Variants in FBP1 observed in about 807,000 individuals in gnomAD.
FBP1 encodes fructose-1,6-bisphosphatase 1.
Under a neutral mutation model 29.9 loss-of-function variants are expected in FBP1, and 22 were observed. The observed-to-expected ratio is 0.74, with a 90% CI of 0.53 to 1.05. The LOEUF (loss-of-function observed/expected upper bound fraction) is 1.05, where lower values mean the gene tolerates loss of function less well. FBP1 is among the 50% of genes least tolerant of loss of function. The probability of loss-of-function intolerance (pLI) is 0.00; values close to 1 mark genes in which losing one functional copy is unlikely to be tolerated. For missense variants in FBP1, 345 were observed against 448.2 expected (o/e 0.77, Z 2.08); for synonymous variants, 175 against 178.6 (o/e 0.98, Z 0.16).
At chr9:94,603,899 A>C in intron 6 of FBP1, 1 of 373,132 alleles carries the variant, frequency 2.7e-6, no homozygotes, top group Non-Finnish European at 5.2e-6. Flanking sequence ...TACCATGGAA[A>C]CTGGACTTAA....
intron 1 of FBP1, among the ~76,000 whole-genome samples, chr9:94,628,627 C>T (rs947660664): frequency 3.3e-5 from 5 of 152,162 alleles, no homozygotes; most frequent in East Asian, 1.9e-4. Flanking sequence ...GGAGGCCAAA[C>T]GGGCTGCATA....
intron 1 of FBP1, among the ~76,000 whole-genome samples, chr9:94,630,672 A>G (rs1164058352): frequency 6.6e-6 from 1 of 152,234 alleles, no homozygotes; most frequent in African/African-American, 2.4e-5. Context: ...CAAGTGTGCA[A>G]GAAATATTAC....
At chr9:94,612,926 G>T (rs1362159619) in intron 3 of FBP1, among the ~76,000 whole-genome samples, 1 of 152,116 alleles carries the variant, frequency 6.6e-6, no homozygotes, top group Non-Finnish European at 1.5e-5. Flanking sequence ...GATGCCCAGG[G>T]ACCAATGAGC....
intron 1 of FBP1, among the ~76,000 whole-genome samples, chr9:94,637,393 AT>A (rs1189084758): frequency 7.1e-6 from 1 of 141,096 alleles, no homozygotes; most frequent in East Asian, 2.2e-4. Flanking sequence ...TCTGAGCATC[AT>A]GCGTCTTTTT....
rs750393687 is a variant in FBP1 at position 94,620,437 on chromosome 9, G to A, written c.225C>T (p.Asp75=). 1.1e-5 allele frequency: 17 copies of A among 1,614,140 alleles called. No homozygotes were observed. The highest frequency in any genetic ancestry group is 7.7e-5 in the South Asian group (7 of 91,078). The change falls in exon 2 of 7, where the codon GAC becomes GAT. Residue 75 remains aspartate, a synonymous_variant. Transcript: ENST00000375326. ...TCATAACCAGGTCGTTGGAGAGGAC[G>A]TCCAGCTTCTTAACTTGATCACCTG... ...NVTGDQVKKL[D]VLSNDLVMNM... is the part of the protein sequence containing the mutation.
chr9:94,624,215 GTA>G (rs1827989401), intron 1 of FBP1, among the ~76,000 whole-genome samples: 3 of 151,794 alleles, frequency 2.0e-5, no homozygotes, highest in African/African-American at 7.3e-5. Flanking sequence ...GCGGGCACCT[GTA>G]GTCCCAGCTA....
chr9:94,638,488 G>A (rs1254381362), intron 1 of FBP1, among the ~76,000 whole-genome samples: 3 of 152,200 alleles, frequency 2.0e-5, no homozygotes, highest in Non-Finnish European at 4.4e-5. Flanking sequence ...TAGGGGTTTT[G>A]AAGCCCTGGG....
intron 1 of FBP1, among the ~76,000 whole-genome samples, chr9:94,635,014 G>T (rs1356245599): frequency 6.7e-6 from 1 of 150,248 alleles, no homozygotes; most frequent in South Asian, 2.1e-4. Flanking sequence ...ACTTGAACCC[G>T]GGAGGCAGAG....
Position 94,603,269 on chromosome 9 carries a change from CT to C in FBP1, c.*111del, listed in dbSNP as rs2131469208. 3.4e-6 allele frequency: 3 copies of C among 889,020 alleles called. No homozygotes were observed. Among genetic ancestry groups the C allele is most frequent in the South Asian group, 2.8e-5 (2 of 70,224 alleles). 55.1% of individuals were successfully genotyped at this position (889,020 alleles called of 1,614,324 possible). ...GCATTTGATGGTGGAAATAGTCATG[CT>C]TTTTATTTCTGCTCTCTAGGAATGT... On this transcript the variant is annotated 3_prime_UTR_variant, in exon 7 of 7. Coordinates refer to ENST00000375326, the MANE Select transcript of FBP1 (RefSeq NM_000507.4).
At position 94,603,874 on chromosome 9, in the gene FBP1, A is replaced by G. The variant is rs909388869; in HGVS notation, c.826-302T>C. 9 of 414,870 alleles carry G rather than the reference A, an allele frequency of 2.2e-5. 1 individual carries two copies. The highest frequency in any genetic ancestry group is 1.8e-4 in the African/African-American group (9 of 49,064). 25.7% of individuals were successfully genotyped at this position (414,870 alleles called of 1,614,324 possible). On this transcript the variant is annotated intron_variant, in intron 6 of 6. Transcript: ENST00000375326. ...GAATGACATTTTGGCAGAAGCGATC[A>G]TTGCCTTCTCTTTATACCATGGAAA...
At chr9:94,630,916 C>A (rs1320417742) in intron 1 of FBP1, among the ~76,000 whole-genome samples, 7 of 152,130 alleles carry the variant, frequency 4.6e-5, no homozygotes, top group African/African-American at 1.7e-4. Flanking sequence ...GACAATAGAG[C>A]CCCGCAGGCA....
chr9:94,616,552 T>G (rs1827865945), intron 3 of FBP1, among the ~76,000 whole-genome samples: 1 of 145,380 alleles, frequency 6.9e-6, no homozygotes, highest in Non-Finnish European at 1.5e-5. Context: ...GCGATTCTCC[T>G]GCCTCAGCCT....
intron 4 of FBP1, among the ~76,000 whole-genome samples, chr9:94,609,527 C>A (rs892861359): frequency 6.6e-6 from 1 of 152,142 alleles, no homozygotes; most frequent in Non-Finnish European, 1.5e-5. Context: ...CAAGGCGGGC[C>A]CCCTCCTCCC....
chr9:94,628,530 C>T (rs1563987507), intron 1 of FBP1, among the ~76,000 whole-genome samples: 1 of 152,106 alleles, frequency 6.6e-6, no homozygotes, highest in Non-Finnish European at 1.5e-5. Flanking sequence ...AGGCAGCAAA[C>T]AAGAGAACAG....
At chr9:94,611,903 A>G (rs1827791801) in intron 3 of FBP1, among the ~76,000 whole-genome samples, 1 of 152,234 alleles carries the variant, frequency 6.6e-6, no homozygotes, top group Admixed American at 6.5e-5. Context: ...TTCAAGCATA[A>G]CAACTACTCA....
rs1052442048 is a variant in FBP1 at position 94,613,779 on chromosome 9, A to G, written c.427-3718T>C. The stretch of plus-strand genomic sequence containing the variant: ...GACCTTGTCTCAAAAAAAAGAAAAA[A>G]AAGAAGAAAAAAAAAAGGCCGGACG... On this transcript the variant is annotated intron_variant, in intron 3 of 6. Transcript: ENST00000375326. 1.0e-4 allele frequency among the ~76,000 whole-genome samples: 13 copies of G among 129,530 alleles called. No individual in the cohort carries two copies. The East Asian group carries it at 1.1e-3, about 11-fold the overall frequency. The allele number at this position is 129,530 out of a possible 152,430, so 85.0% of individuals were successfully genotyped here. A position where few individuals can be genotyped will look rare whatever the true frequency, so the allele number is the denominator to read the frequency against.
At chr9:94,606,658 A>G (rs1298963568) in intron 5 of FBP1, among the ~76,000 whole-genome samples, 157 bp downstream of exon 5, 1 of 152,050 alleles carries the variant, frequency 6.6e-6, no homozygotes, top group African/African-American at 2.4e-5. Context: ...TAAGTCATCA[A>G]CCAATAGATT....
At chr9:94,634,969 A>G in intron 1 of FBP1, among the ~76,000 whole-genome samples, 1 of 151,844 alleles carries the variant, frequency 6.6e-6, no homozygotes, top group East Asian at 1.9e-4. Context: ...TACGCCTGTA[A>G]TCTCAGCTAC....
chr9:94,638,989 G>A, intron 1 of FBP1, 152 bp downstream of exon 1: 3 of 820,620 alleles, frequency 3.7e-6, no homozygotes, highest in South Asian at 1.5e-5. Context: ...GGAGAGAGGG[G>A]CTACCAGACA....
Sources: gnomAD v4.1 joint callset for allele counts (sites outside exome capture counted in the v4.1 genomes callset) on GRCh38, gnomAD v4.1.1 for gene constraint, MANE v1.5 for transcripts, NCBI Gene and HGNC (gene_info 2026-07-23, HGNC 2026-07-21) for gene names.